Variants in WDFY2 observed in about 807,000 individuals in gnomAD.
WDFY2 encodes WD repeat and FYVE domain containing 2.
WDFY2 carries 36 observed loss-of-function variants against 56.4 expected under a neutral mutation model. That is an observed-to-expected ratio of 0.64 (90% CI 0.49 to 0.84). The LOEUF is 0.84. WDFY2 is among the 40% of genes least tolerant of loss of function. The probability of loss-of-function intolerance (pLI) is 0.00; values close to 1 mark genes in which losing one functional copy is unlikely to be tolerated. For missense variants in WDFY2, 444 were observed against 512.2 expected (o/e 0.87, Z 1.29); for synonymous variants, 176 against 183.7 (o/e 0.96, Z 0.34).
At chr13:51,637,774 G>A (rs1955080205) in intron 1 of WDFY2, among the ~76,000 whole-genome samples, 1 of 152,158 alleles carries the variant, frequency 6.6e-6, no homozygotes, top group Non-Finnish European at 1.5e-5. Flanking sequence ...GGGGAGATGT[G>A]CTCTGCTACA....
At chr13:51,692,626 G>C (rs1045493221) in intron 3 of WDFY2, among the ~76,000 whole-genome samples, 3 of 152,170 alleles carry the variant, frequency 2.0e-5, no homozygotes, top group Non-Finnish European at 4.4e-5. Flanking sequence ...TTGCATCAAT[G>C]TTCATCAAGG....
At chr13:51,717,585 C>T (rs553523530) in intron 4 of WDFY2, among the ~76,000 whole-genome samples, 7 of 151,996 alleles carry the variant, frequency 4.6e-5, no homozygotes, top group Non-Finnish European at 1.0e-4. Flanking sequence ...TTAGGGGCCA[C>T]TTTCTGCTTG....
chr13:51,762,635 G>C lies in WDFY2; in HGVS notation c.*2866G>C, dbSNP rs573887846. On this transcript the variant is annotated 3_prime_UTR_variant, in exon 12 of 12. Coordinates refer to ENST00000298125, the MANE Select transcript of WDFY2 (RefSeq NM_052950.4). ...TTCCAAGCATTTTATGGAAATGGAG[G>C]CTCCATTCCTTAGGAGTAAAAGCTG... The C allele has an allele frequency of 4.7e-4, 71 of 152,312 alleles. No homozygotes were observed. Among genetic ancestry groups the C allele is most frequent in the African/African-American group, 1.6e-3 (68 of 41,572 alleles). The allele number at this position is 152,312 out of a possible 1,614,324, so 9.4% of individuals were successfully genotyped here. A position where few individuals can be genotyped will look rare whatever the true frequency, so the allele number is the denominator to read the frequency against.
At chr13:51,609,619 T>TC (rs1169426496) in intron 1 of WDFY2, among the ~76,000 whole-genome samples, 7 of 48,192 alleles carry the variant, frequency 1.5e-4, no homozygotes, top group Non-Finnish European at 2.8e-4. Flanking sequence ...CCCCCCGCCC[T>TC]CCCCAAAAAA....
At position 51,584,827 on chromosome 13, in the gene WDFY2, A is replaced by G. The variant is rs1253996530; in HGVS notation, c.137+3A>G. 1 of 1,613,472 alleles carries G rather than the reference A, an allele frequency of 6.2e-7. No homozygotes were observed. Among genetic ancestry groups the G allele is most frequent in the Non-Finnish European group, 8.5e-7 (1 of 1,179,580 alleles). On this transcript the variant is annotated splice_donor_region_variant and intron_variant, in intron 1 of 11. Coordinates refer to ENST00000298125, the MANE Select transcript of WDFY2 (RefSeq NM_052950.4). ...GTCATCAGCGTCTCCGAGGACAGGT[A>G]TGGACTACTGCCATTCGGCCGCGAG...
intron 3 of WDFY2, among the ~76,000 whole-genome samples, chr13:51,676,388 T>TA (rs1955889777): frequency 6.6e-6 from 1 of 152,140 alleles, no homozygotes; most frequent in African/African-American, 2.4e-5. Context: ...GCGTGGAACT[T>TA]AAAGGAGACT....
intron 1 of WDFY2, among the ~76,000 whole-genome samples, chr13:51,621,457 A>G (rs936537558): frequency 5.9e-5 from 9 of 152,184 alleles, no homozygotes; most frequent in Admixed American, 3.9e-4. Context: ...GTGAGCCAAG[A>G]TCGCGCCACT....
intron 3 of WDFY2, among the ~76,000 whole-genome samples, chr13:51,689,103 G>A (rs1244087365): frequency 3.3e-5 from 5 of 152,154 alleles, no homozygotes; most frequent in African/African-American, 1.2e-4. Flanking sequence ...ATTTGCCAGA[G>A]GCGGTCTTGA....
chr13:51,708,694 A>G (rs1357046494), intron 4 of WDFY2, among the ~76,000 whole-genome samples: 4 of 152,212 alleles, frequency 2.6e-5, no homozygotes, highest in Non-Finnish European at 5.9e-5. Context: ...ATTAAAAATA[A>G]ATGATCTAAA....
chr13:51,753,451 A>G (rs931588009), intron 8 of WDFY2, among the ~76,000 whole-genome samples: 3 of 152,224 alleles, frequency 2.0e-5, no homozygotes, highest in Admixed American at 1.3e-4. Context: ...TATATTGTAT[A>G]TAACATTCTT....
chr13:51,603,254 CA>C (rs1954321126), intron 1 of WDFY2, among the ~76,000 whole-genome samples: 1 of 152,172 alleles, frequency 6.6e-6, no homozygotes, highest in Non-Finnish European at 1.5e-5. Flanking sequence ...CGTAAGAGCC[CA>C]ACCACTGCAT....
At chr13:51,738,249 T>G (rs917849773) in intron 6 of WDFY2, among the ~76,000 whole-genome samples, 1 of 151,952 alleles carries the variant, frequency 6.6e-6, no homozygotes, top group Admixed American at 6.6e-5. Context: ...AAAATTCTTA[T>G]TGTTCTCAGT....
intron 1 of WDFY2, among the ~76,000 whole-genome samples, chr13:51,610,881 G>A (rs1341797953): frequency 1.3e-5 from 2 of 152,162 alleles, no homozygotes; most frequent in Non-Finnish European, 2.9e-5. Flanking sequence ...ATCTGGAATT[G>A]GGGGGAGAAA....
intron 3 of WDFY2, among the ~76,000 whole-genome samples, chr13:51,698,111 T>C (rs890347647): frequency 6.6e-6 from 1 of 152,160 alleles, no homozygotes; most frequent in African/African-American, 2.4e-5. Flanking sequence ...CAAGTATGTG[T>C]TTTAGCTCGG....
At chr13:51,683,163 C>T (rs1956006037) in intron 3 of WDFY2, among the ~76,000 whole-genome samples, 1 of 152,130 alleles carries the variant, frequency 6.6e-6, no homozygotes, top group Non-Finnish European at 1.5e-5. Context: ...CAAGTGACTC[C>T]CTTATTTTCG....
rs995115412 is a variant in WDFY2, at chr13:51,759,867, A to G, written c.*98A>G. ...TGGTAAAGCAGACATGTGAGAAGTAAGAAAGAAACTAAAGACCCTGAATGA... is the reference window on the plus strand; with the variant it reads ...TGGTAAAGCAGACATGTGAGAAGTAGGAAAGAAACTAAAGACCCTGAATGA... On this transcript the variant is annotated 3_prime_UTR_variant, in exon 12 of 12. Transcript: ENST00000298125. 13 of 1,348,258 alleles carry G rather than the reference A, an allele frequency of 9.6e-6. No homozygotes were observed. The highest frequency in any genetic ancestry group is 7.4e-5 in the South Asian group (6 of 80,990). The allele number at this position is 1,348,258 out of a possible 1,614,324, so 83.5% of individuals were successfully genotyped here.
chr13:51,588,117 A>G (rs1342428984), intron 1 of WDFY2: 1 of 152,238 alleles, frequency 6.6e-6, no homozygotes, highest in African/African-American at 2.4e-5. Context: ...TTGTAGTTAG[A>G]TTATATACCC....
chr13:51,634,706 G>T (rs1955012861), intron 1 of WDFY2, among the ~76,000 whole-genome samples: 1 of 151,262 alleles, frequency 6.6e-6, no homozygotes, highest in African/African-American at 2.4e-5. Flanking sequence ...GGAAAAGGCT[G>T]TTTTTTTTGT....
At chr13:51,677,963 G>A (rs1195567782) in intron 3 of WDFY2, among the ~76,000 whole-genome samples, 1 of 152,176 alleles carries the variant, frequency 6.6e-6, no homozygotes, top group Non-Finnish European at 1.5e-5. Flanking sequence ...TCTACTGAGA[G>A]AAGGTAAAGA....
Sources: gnomAD v4.1 joint callset for allele counts (sites outside exome capture counted in the v4.1 genomes callset) on GRCh38, gnomAD v4.1.1 for gene constraint, MANE v1.5 for transcripts, NCBI Gene and HGNC (gene_info 2026-07-23, HGNC 2026-07-21) for gene names.